MASP1: variants seen among roughly 807,000 people sequenced by gnomAD.
The protein encoded by MASP1 is mannan-binding lectin serine protease 1.
MASP1 carries 59 observed loss-of-function variants against 77.1 expected under a neutral mutation model. That is an observed-to-expected ratio of 0.77 (90% CI 0.62 to 0.95). The LOEUF is 0.95. Ranked by LOEUF, MASP1 falls within the 40% of genes least tolerant of loss-of-function variation. The pLI, the probability that MASP1 is intolerant of heterozygous loss-of-function variation, is 0.00. For synonymous variants in MASP1, 362 were observed against 354.5 expected, an observed-to-expected ratio of 1.02 and a Z score of -0.24; for missense variants, 885 against 912.9, an observed-to-expected ratio of 0.97 and a Z score of 0.39.
At chr3:187,220,277 A>G (rs1331727110) in intron 15 of MASP1, 1 of 1,612,498 alleles carries the variant, frequency 6.2e-7, no homozygotes, top group South Asian at 1.1e-5. Context: ...TGAAAAAGAG[A>G]CATAGATGAA....
At chr3:187,265,181 C>T (rs374931286) in intron 2 of MASP1, among the ~76,000 whole-genome samples, 23 of 152,146 alleles carry the variant, frequency 1.5e-4, no homozygotes, top group South Asian at 8.3e-4. Flanking sequence ...TTACTGCTTG[C>T]GGATGAACTT....
At chr3:187,222,285 A>G (rs190617635) in intron 14 of MASP1, among the ~76,000 whole-genome samples, 9 of 152,232 alleles carry the variant, frequency 5.9e-5, no homozygotes, top group Admixed American at 5.9e-4. Flanking sequence ...CTTTCTGTCC[A>G]TTCCACTTGA....
downstream of MASP1, among the ~76,000 whole-genome samples, chr3:187,233,823 C>A (rs1168619257): frequency 2.6e-5 from 4 of 152,136 alleles, no homozygotes; most frequent in East Asian, 3.9e-4. Context: ...GGGGGTTGGG[C>A]CTTCAGGCTC....
chr3:187,251,562 GC>G, intron 7 of MASP1, 71 bp downstream of exon 7: 2 of 1,233,652 alleles, frequency 1.6e-6, no homozygotes, highest in Non-Finnish European at 2.4e-6. Context: ...CAGCCCATCT[GC>G]CCTGGGGAGG....
chr3:187,285,926 C>G lies in MASP1; in HGVS notation c.136G>C (p.Val46Leu), dbSNP rs1235268893. 6.2e-7 allele frequency: 1 copy of G among 1,613,998 alleles called. No homozygotes were observed. Among genetic ancestry groups the G allele is most frequent in the East Asian group, 2.2e-5 (1 of 44,888 alleles). ...TCTGGGACAGTGATATTCCAAGTCA[C>G]CTCTGAATCACTGGGATAGGAGTCT... ...YPDSYPSDSE[V>L]TWNITVPDGF... The change falls in exon 2 of 11, where the codon GTG becomes CTG. Residue 46 changes from valine (V) to leucine (L), a missense_variant. By Grantham distance (32) the Val-to-Leu change is conservative. Transcript: ENST00000296280.
intron 2 of MASP1, among the ~76,000 whole-genome samples, chr3:187,265,205 A>C (rs184999945): frequency 9.2e-5 from 14 of 152,292 alleles, no homozygotes; most frequent in Non-Finnish European, 2.1e-4. Flanking sequence ...TTTGTTAATA[A>C]TGAATAGTCA....
At chr3:187,259,503 G>C (rs1010099481) in intron 4 of MASP1, among the ~76,000 whole-genome samples, 4 of 151,982 alleles carry the variant, frequency 2.6e-5, no homozygotes, top group Non-Finnish European at 5.9e-5. Flanking sequence ...TTTCATGGTG[G>C]GGGCCTTAGG....
chr3:187,274,539 T>TGGC (rs1716797345), intron 2 of MASP1, among the ~76,000 whole-genome samples: 1 of 152,194 alleles, frequency 6.6e-6, no homozygotes, highest in Admixed American at 6.5e-5. Context: ...AGTCTATACC[T>TGGC]GGCGGAGGAA....
intron 1 of MASP1, among the ~76,000 whole-genome samples, chr3:187,290,988 T>G (rs1325042801): frequency 6.6e-6 from 1 of 152,166 alleles, no homozygotes; most frequent in Non-Finnish European, 1.5e-5. Flanking sequence ...CCTTTTTTTT[T>G]TTTTAAGTAT....
chr3:187,267,859 T>C (rs1279706947), intron 2 of MASP1, among the ~76,000 whole-genome samples: 1 of 152,230 alleles, frequency 6.6e-6, no homozygotes, highest in East Asian at 1.9e-4. Flanking sequence ...TTTTCTCTAA[T>C]CCTTTAAATC....
At chr3:187,275,709 G>A (rs147292788) in intron 2 of MASP1, among the ~76,000 whole-genome samples, 10 of 152,064 alleles carry the variant, frequency 6.6e-5, no homozygotes, top group African/African-American at 9.6e-5. Flanking sequence ...TATGCTCTGC[G>A]GGCTCTCTGT....
chr3:187,269,671 T>C (rs1348712550), intron 2 of MASP1, among the ~76,000 whole-genome samples: 2 of 152,198 alleles, frequency 1.3e-5, no homozygotes, highest in African/African-American at 2.4e-5. Flanking sequence ...TGGCAACATG[T>C]GCCTGGCTAA....
At chr3:187,264,774 CA>C (rs1715881023) in intron 2 of MASP1, among the ~76,000 whole-genome samples, 1 of 152,048 alleles carries the variant, frequency 6.6e-6, no homozygotes, top group Non-Finnish European at 1.5e-5. Context: ...AATTAGAAAC[CA>C]GTTAACTGCT....
rs1298883328 is a variant in MASP1, at chr3:187,250,319, T to C, written c.1022A>G (p.Glu341Gly). 1 of 1,612,308 alleles carries C rather than the reference T, an allele frequency of 6.2e-7. No homozygotes were observed. The highest frequency in any genetic ancestry group is 2.2e-5 in the East Asian group (1 of 44,882). Reference sequence around the variant, plus strand: ...ACACTCAATCTGGAATGTGTCCATCTCCACATTATCCTGGGAAGAGACAGG... The same window carrying C: ...ACACTCAATCTGGAATGTGTCCATCCCCACATTATCCTGGGAAGAGACAGG... ...TGYKVLKDNVEMDTFQIECLK... is the reference protein window; with the variant it reads ...TGYKVLKDNVGMDTFQIECLK... The change falls in exon 8 of 11, where the codon GAG (glutamate) becomes GGG (glycine). Residue 341 changes from glutamate to glycine, a missense_variant. Physicochemically the swap from Glu to Gly is moderately conservative, Grantham distance 98 (BLOSUM62 -2). Coordinates refer to ENST00000296280, the MANE Select transcript of MASP1 (RefSeq NM_139125.4).
In MASP1 at chr3:187,285,959, C is replaced by A. The variant is rs377441732; in HGVS notation, c.103G>T (p.Gly35Cys). The change falls in exon 2 of 11, where the codon GGT becomes TGT. Residue 35 changes from glycine to cysteine, a missense_variant. Coordinates refer to ENST00000296280, the MANE Select transcript of MASP1 (RefSeq NM_139125.4). ...NNMFGQIQSPGYPDSYPSDSE... is the reference protein window; with the variant it reads ...NNMFGQIQSPCYPDSYPSDSE... ...TCACTGGGATAGGAGTCTGGATAAC[C>A]AGGCGACTGGATCTGGCCAAACATA... is the stretch of plus-strand genomic sequence containing the variant. The A allele has an allele frequency of 4.0e-5, 64 of 1,614,068 alleles. No homozygotes were observed. Among genetic ancestry groups the A allele is most frequent in the Non-Finnish European group, 5.3e-5 (63 of 1,180,040 alleles).
rs147768646 is a variant in MASP1, at chr3:187,266,125, C to T, written c.238-3405G>A. The stretch of plus-strand genomic sequence containing the variant: ...ATAATAATGGAGACCCATGTGGCTG[C>T]GAATAATAAACTCTTCATTTTTCTA... On this transcript the variant is annotated intron_variant, in intron 2 of 10. Transcript: ENST00000296280. 4.2e-3 allele frequency among the ~76,000 whole-genome samples: 644 copies of T among 152,220 alleles called. 1 individual carries two copies. The highest frequency in any genetic ancestry group is 8.1e-3 in the South Asian group (39 of 4,800).
rs760038099 is a variant in MASP1 at position 187,285,930 on chromosome 3, T to A, written c.132A>T (p.Ser44=). 8 of 1,614,114 alleles carry A rather than the reference T, an allele frequency of 5.0e-6. No homozygotes were observed. The South Asian group carries it at 8.8e-5, about 18-fold the overall frequency. ...GGACAGTGATATTCCAAGTCACCTC[T>A]GAATCACTGGGATAGGAGTCTGGAT... The part of the protein sequence containing the change: ...PGYPDSYPSD[S]EVTWNITVPD... The change falls in exon 2 of 11, where the codon TCA becomes TCT. Residue 44 remains serine (S), a synonymous_variant. Coordinates refer to ENST00000296280, the MANE Select transcript of MASP1 (RefSeq NM_139125.4).
In MASP1 at chr3:187,234,780, T is replaced by C; in HGVS notation, c.*904A>G. 7.8e-7 allele frequency: 1 copy of C among 1,287,268 alleles called. No individual in the cohort carries two copies. The allele number at this position is 1,287,268 out of a possible 1,614,324, so 79.7% of individuals were successfully genotyped here. A position where few individuals can be genotyped will look rare whatever the true frequency, so the allele number is the denominator to read the frequency against. ...GTGGGTCTTTTCTTTTTCCAGGTAA[T>C]CGACTAAGTCCCCATATTCGGGCCT... On this transcript the variant is annotated 3_prime_UTR_variant, in exon 11 of 11. Transcript: ENST00000296280.
chr3:187,261,021 C>A (rs1373742348), intron 3 of MASP1, 149 bp from the exon 4 acceptor site: 9 of 958,756 alleles, frequency 9.4e-6, no homozygotes, highest in Non-Finnish European at 1.5e-5. Flanking sequence ...CCAGAGGTAG[C>A]CATTATCTTC....
Sources: allele counts gnomAD v4.1 joint callset (sites outside exome capture counted in the v4.1 genomes callset), GRCh38; gene constraint gnomAD v4.1.1; transcripts MANE v1.5; gene names NCBI Gene and HGNC (gene_info 2026-07-23, HGNC 2026-07-21).